Variants in STK24 observed in about 807,000 individuals in gnomAD.
STK24 encodes the protein serine/threonine kinase 24.
STK24 carries 21 observed loss-of-function variants against 55.6 expected under a neutral mutation model. That is an observed-to-expected ratio of 0.38 (90% CI 0.27 to 0.54). The LOEUF (loss-of-function observed/expected upper bound fraction) is 0.54, where lower values mean the gene tolerates loss of function less well. Among genes scored for constraint, STK24 ranks in the 20% least tolerant of loss-of-function variants. The pLI, the probability that STK24 is intolerant of heterozygous loss-of-function variation, is 0.79. For synonymous variants in STK24, 200 were observed against 215.2 expected, an observed-to-expected ratio of 0.93 and a Z score of 0.62; for missense variants, 383 against 538.4, an observed-to-expected ratio of 0.71 and a Z score of 2.86.
At chr13:98,553,979 T>C (rs776272348) in intron 1 of STK24, among the ~76,000 whole-genome samples, 13 of 151,666 alleles carry the variant, frequency 8.6e-5, no homozygotes, top group Non-Finnish European at 1.8e-4. Context: ...GGAGAACTGC[T>C]TGAACCCAGG....
chr13:98,537,724 C>T (rs1896774869), intron 1 of STK24, among the ~76,000 whole-genome samples: 2 of 152,168 alleles, frequency 1.3e-5, no homozygotes, highest in South Asian at 4.1e-4. Flanking sequence ...CTGCTGCCCC[C>T]TCAGTGTAGT....
At chr13:98,471,729 G>A (rs1001437673) in intron 5 of STK24, among the ~76,000 whole-genome samples, 9 of 152,200 alleles carry the variant, frequency 5.9e-5, no homozygotes, top group Admixed American at 1.3e-4. Flanking sequence ...AACATATACA[G>A]GAAATGGAGG....
At chr13:98,456,066 A>T (rs1197269876) in intron 10 of STK24, 3 of 153,514 alleles carry the variant, frequency 2.0e-5, no homozygotes, top group Non-Finnish European at 4.4e-5. Context: ...ATTGCCTCAA[A>T]ATTGAAGGCA....
chr13:98,570,180 A>G (rs150701996), intron 1 of STK24, among the ~76,000 whole-genome samples: 72 of 152,196 alleles, frequency 4.7e-4, no homozygotes, highest in African/African-American at 1.6e-3. Flanking sequence ...CCCCCGGTCA[A>G]TTTTTTAATG....
chr13:98,473,519 A>C (rs1388868051), intron 5 of STK24, among the ~76,000 whole-genome samples: 5 of 152,068 alleles, frequency 3.3e-5, no homozygotes, highest in Non-Finnish European at 5.9e-5. Flanking sequence ...CCAAAATTAC[A>C]TGACCCCAGG....
intron 1 of STK24, among the ~76,000 whole-genome samples, chr13:98,572,416 C>G (rs868504697): frequency 4.6e-5 from 7 of 152,074 alleles, no homozygotes; most frequent in Non-Finnish European, 2.9e-5. Context: ...CAGGCACCTC[C>G]CAAGGAAGGA....
intron 2 of STK24, among the ~76,000 whole-genome samples, chr13:98,486,097 C>T (rs1363224969): frequency 6.6e-6 from 1 of 151,938 alleles, no homozygotes; most frequent in African/African-American, 2.4e-5. Flanking sequence ...AGGAGAAATA[C>T]CCAATGTAGA....
At chr13:98,561,530 G>A (rs559184430) in intron 1 of STK24, among the ~76,000 whole-genome samples, 4 of 148,030 alleles carry the variant, frequency 2.7e-5, no homozygotes, top group African/African-American at 9.7e-5. Flanking sequence ...TGCAATGAGC[G>A]AAGATCACGT....
chr13:98,458,452 A>G, intron 9 of STK24, among the ~76,000 whole-genome samples: 1 of 152,200 alleles, frequency 6.6e-6, no homozygotes, highest in East Asian at 1.9e-4. Context: ...TCTCTTCGCT[A>G]CTGAAGGGGC....
intron 2 of STK24, among the ~76,000 whole-genome samples, chr13:98,493,696 A>G (rs1266218293): frequency 1.3e-5 from 2 of 152,180 alleles, no homozygotes; most frequent in Non-Finnish European, 2.9e-5. Flanking sequence ...CATGTTACAA[A>G]TATCAATGAA....
chr13:98,520,641 C>T (rs565221423), intron 1 of STK24, among the ~76,000 whole-genome samples: 17 of 152,338 alleles, frequency 1.1e-4, no homozygotes, highest in South Asian at 2.1e-4. Flanking sequence ...GCAGCAACGG[C>T]GGTGCCTCAT....
At position 98,445,993 on chromosome 13, in the gene STK24, C is replaced by G. The variant is rs1892808845; in HGVS notation, c.*7180G>C. ...GGGGGTGGGGCCCACATCCTTCAGT[C>G]ACGGACATGCCCCAGCCCAGGGCCC... is the stretch of plus-strand genomic sequence containing the variant. On this transcript the variant is annotated 3_prime_UTR_variant, in exon 11 of 11. Coordinates refer to ENST00000539966, the MANE Select transcript of STK24 (RefSeq NM_001032296.4). The G allele has an allele frequency of 2.7e-6, 2 of 745,920 alleles. No individual in the cohort carries two copies. The highest frequency in any genetic ancestry group is 5.2e-5 in the East Asian group (2 of 38,460). 46.2% of individuals were successfully genotyped at this position (745,920 alleles called of 1,614,324 possible). A position where few individuals can be genotyped will look rare whatever the true frequency, so the allele number is the denominator to read the frequency against.
intron 5 of STK24, among the ~76,000 whole-genome samples, chr13:98,474,076 A>C (rs1894269293): frequency 6.6e-6 from 1 of 152,222 alleles, no homozygotes; most frequent in African/African-American, 2.4e-5. Context: ...TAAGAAGAGC[A>C]GACTGTGCGA....
intron 2 of STK24, among the ~76,000 whole-genome samples, chr13:98,482,788 C>G (rs1227748964): frequency 2.0e-5 from 3 of 152,214 alleles, no homozygotes; most frequent in Non-Finnish European, 1.5e-5. Context: ...CCCCCCACCC[C>G]CTACCGTGTG....
chr13:98,547,614 C>T (rs1897059418), intron 1 of STK24, among the ~76,000 whole-genome samples: 1 of 152,174 alleles, frequency 6.6e-6, no homozygotes, highest in Admixed American at 6.5e-5. Context: ...AGCTGGTTTT[C>T]CAGTATTTGT....
At chr13:98,458,397 T>C (rs1175469699) in intron 9 of STK24, among the ~76,000 whole-genome samples, 1 of 152,184 alleles carries the variant, frequency 6.6e-6, no homozygotes, top group African/African-American at 2.4e-5. Context: ...GTTGAACACA[T>C]GCTGTCATTT....
intron 1 of STK24, among the ~76,000 whole-genome samples, chr13:98,575,327 T>C (rs1349619503): frequency 1.3e-5 from 2 of 152,094 alleles, no homozygotes; most frequent in African/African-American, 2.4e-5. Flanking sequence ...CTTAAGATAA[T>C]AACTTAACTG....
intron 1 of STK24, among the ~76,000 whole-genome samples, chr13:98,563,597 G>C (rs1897488100): frequency 6.6e-6 from 1 of 152,110 alleles, no homozygotes; most frequent in African/African-American, 2.4e-5. Context: ...GGTGGCTCAC[G>C]CCTGTAATCC....
At chr13:98,478,510 G>A (rs967185425) in intron 3 of STK24, among the ~76,000 whole-genome samples, 6 of 152,210 alleles carry the variant, frequency 3.9e-5, no homozygotes, top group Admixed American at 3.9e-4. Flanking sequence ...GAAGCCTGGG[G>A]CTCCAGATGC....
Sources: allele counts gnomAD v4.1 joint callset (sites outside exome capture counted in the v4.1 genomes callset), GRCh38; gene constraint gnomAD v4.1.1; transcripts MANE v1.5; gene names NCBI Gene and HGNC (gene_info 2026-07-23, HGNC 2026-07-21).